VWA3A: variants seen among roughly 807,000 people sequenced by gnomAD.
The protein encoded by VWA3A is von Willebrand factor A domain containing 3A, also known as von Willebrand factor A domain-containing protein 3A.
A neutral mutation model predicts 160.4 loss-of-function variants in VWA3A; 134 were observed. That is an observed-to-expected ratio of 0.84 (90% CI 0.73 to 0.96). The LOEUF (loss-of-function observed/expected upper bound fraction) is 0.96. VWA3A is among the 40% of genes least tolerant of loss of function. The pLI is 0.00. For synonymous variants in VWA3A, 476 were observed against 543.4 expected (o/e 0.88, Z 1.72); for missense variants, 1,310 against 1,447.9 (o/e 0.90, Z 1.55).
chr16:22,149,856 A>G lies in VWA3A; in HGVS notation c.3054A>G (p.Ala1018=). ...ACACGCTGGTGGAGACCACAGATGC[A>G]GCGTGTCATGAGGCTATGCAATGGG... ...WQDTLVETTD[A]ACHEAMQWVT... The change falls in exon 29 of 34, where the codon GCA becomes GCG. Residue 1018 remains alanine, a synonymous_variant. Transcript: ENST00000389398. The G allele has an allele frequency of 1.9e-6, 3 of 1,612,744 alleles. No individual in the cohort carries two copies. Among genetic ancestry groups the G allele is most frequent in the Non-Finnish European group, 2.5e-6 (3 of 1,179,172 alleles).
chr16:22,094,013 A>G (rs1041336456), intron 1 of VWA3A, among the ~76,000 whole-genome samples: 4 of 151,908 alleles, frequency 2.6e-5, no homozygotes, highest in East Asian at 1.9e-4. Flanking sequence ...GGCTCAAGCA[A>G]TCTCCCTGCC....
rs1359074902 is a variant in VWA3A at position 22,109,555 on chromosome 16, A to G, written c.557A>G (p.Lys186Arg). The change falls in exon 7 of 34, where the codon AAA (lysine) becomes AGA (arginine). Residue 186 changes from lysine to arginine, a missense_variant. Physicochemically the swap from Lys to Arg is conservative, Grantham distance 26. Coordinates refer to ENST00000389398, the MANE Select transcript of VWA3A (RefSeq NM_173615.5). ...DVSAISSGPQ[K>R]EEFQKDLMSL... is the part of the protein sequence containing the mutation. ...TCAGCCATCAGCAGTGGCCCTCAGA[A>G]AGAAGAGTTCCAAAAGGACCTCATG... The G allele has an allele frequency of 1.2e-6, 2 of 1,613,674 alleles. No individual in the cohort carries two copies. The highest frequency in any genetic ancestry group is 2.7e-5 in the African/African-American group (2 of 74,946).
intron 16 of VWA3A, among the ~76,000 whole-genome samples, chr16:22,124,577 A>G (rs566832303): frequency 7.0e-6 from 1 of 143,850 alleles, no homozygotes; most frequent in South Asian, 2.2e-4. Flanking sequence ...TATTATTATT[A>G]GAGACAGAGT....
chr16:22,127,971 A>G (rs2045881189), intron 17 of VWA3A, among the ~76,000 whole-genome samples: 1 of 152,152 alleles, frequency 6.6e-6, no homozygotes, highest in African/African-American at 2.4e-5. Flanking sequence ...GTCTTGATGA[A>G]TAAGTAGATG....
Position 22,100,318 on chromosome 16 carries a change from T to G in VWA3A, c.350T>G (p.Leu117Arg), listed in dbSNP as rs1191895164. 8.4e-6 allele frequency: 13 copies of G among 1,551,642 alleles called. No homozygotes were observed. Among genetic ancestry groups the G allele is most frequent in the Non-Finnish European group, 1.1e-5 (13 of 1,146,988 alleles). ...ADLISQGTEV[L>R]EEGTNVVQKI... ...CTGATAAGCCAGGGCACAGAAGTGCTGTAAGTCTGAAGCTGTTCCCCGCAC... is the reference window on the plus strand; with the variant it reads ...CTGATAAGCCAGGGCACAGAAGTGCGGTAAGTCTGAAGCTGTTCCCCGCAC... Residue 117 changes from leucine to arginine, a missense_variant and splice_region_variant, in exon 4 of 34, where the codon CTG becomes CGG. Physicochemically the swap from Leu to Arg is moderately radical, Grantham distance 102 (BLOSUM62 -2). Transcript: ENST00000389398.
intron 5 of VWA3A, among the ~76,000 whole-genome samples, chr16:22,102,193 A>T (rs1160727632): frequency 6.6e-6 from 1 of 152,160 alleles, no homozygotes; most frequent in African/African-American, 2.4e-5. Flanking sequence ...TCTACAAAAA[A>T]TATAAAAATT....
At chr16:22,119,144 A>C in intron 12 of VWA3A, 117 bp downstream of exon 12, 1 of 1,267,088 alleles carries the variant, frequency 7.9e-7, no homozygotes, top group East Asian at 4.0e-5. Flanking sequence ...ACTTCCTAAA[A>C]TCGAAACAAG....
At chr16:22,118,481 T>C (rs1002818118) in intron 11 of VWA3A, among the ~76,000 whole-genome samples, 14 of 152,056 alleles carry the variant, frequency 9.2e-5, no homozygotes, top group South Asian at 2.1e-4. Flanking sequence ...GTCAGGAGAT[T>C]GAGACCATCC....
At chr16:22,144,160 A>G (rs2046204321) in intron 25 of VWA3A, 87 bp from the exon 26 acceptor site, 5 of 1,443,614 alleles carry the variant, frequency 3.5e-6, no homozygotes, top group Non-Finnish European at 4.6e-6. Flanking sequence ...TACAGGTTTC[A>G]AACATGAGGT....
Position 22,097,559 on chromosome 16 carries a change from TTA to T in VWA3A, c.102-11_102-10del, listed in dbSNP as rs1374424382. ...GTGCTGGGGCATTGATCAAATTACT[TTA>T]TGTTTTGTAGCATTAGGAGAAACAC... On this transcript the variant is annotated splice_polypyrimidine_tract_variant and intron_variant, in intron 2 of 33. Coordinates refer to ENST00000389398, the MANE Select transcript of VWA3A (RefSeq NM_173615.5). 2.6e-6 allele frequency: 4 copies of T among 1,550,960 alleles called. No homozygotes were observed. Among genetic ancestry groups the T allele is most frequent in the Admixed American group, 2.0e-5 (1 of 50,966 alleles).
At chr16:22,116,274 AAAG>A (rs145019368) in intron 9 of VWA3A, 20,347 of 417,412 alleles carry the variant, frequency 0.049, 1,390 homozygotes, top group African/African-American at 0.23. Context: ...AAGAAAAAGA[AAAG>A]AAGAAGGAAG....
chr16:22,103,499 A>T lies in VWA3A; in HGVS notation c.453A>T (p.Arg151Ser). Residue 151 changes from arginine to serine, a missense_variant, in exon 6 of 34, where the codon AGA (arginine) becomes AGT (serine). By Grantham distance (110) the Arg-to-Ser change is moderately radical (BLOSUM62 -1). Transcript: ENST00000389398. ...LSDTIEVYQE[R>S]IQWLTENSKK... ...GCACTATTGAAGTCTATCAAGAGAG[A>T]ATTCAGTGGCTCACAGAAAACAGCA... 6.4e-7 allele frequency: 1 copy of T among 1,551,890 alleles called. No individual in the cohort carries two copies. The highest frequency in any genetic ancestry group is 8.7e-7 in the Non-Finnish European group (1 of 1,147,014).
chr16:22,141,520 T>C (rs2046149031), intron 23 of VWA3A, 62 bp from the exon 24 acceptor site: 1 of 1,484,484 alleles, frequency 6.7e-7, no homozygotes, highest in South Asian at 1.2e-5. Flanking sequence ...TAAGCCAAGC[T>C]GGACAGCTGT....
chr16:22,154,072 G>C (rs2046394514), intron 31 of VWA3A, among the ~76,000 whole-genome samples: 1 of 152,036 alleles, frequency 6.6e-6, no homozygotes, highest in African/African-American at 2.4e-5. Context: ...AGCCTTACAT[G>C]ACTCCTTTGG....
At chr16:22,094,716 A>G (rs1050065032) in intron 1 of VWA3A, among the ~76,000 whole-genome samples, 1 of 152,196 alleles carries the variant, frequency 6.6e-6, no homozygotes, top group Non-Finnish European at 1.5e-5. Context: ...CTGTAATCCC[A>G]GCACTTTGGG....
rs775573819 is a variant in VWA3A, at chr16:22,121,619, T to C, written c.1356+2T>C. The stretch of plus-strand genomic sequence containing the variant: ...ACAGTATCATCGACCATCCATGAGG[T>C]AATTCAGATTCATAATTCTCTCCAG... On this transcript the variant is annotated splice_donor_variant, in intron 14 of 33. Coordinates refer to ENST00000389398, the MANE Select transcript of VWA3A (RefSeq NM_173615.5). LOFTEE classifies it high-confidence loss of function. 3.7e-6 allele frequency: 6 copies of C among 1,604,672 alleles called. No homozygotes were observed. In the East Asian group the frequency reaches 1.3e-4, roughly 36 times the overall value.
chr16:22,110,450 A>T (rs1428441046), intron 7 of VWA3A, among the ~76,000 whole-genome samples: 1 of 152,116 alleles, frequency 6.6e-6, no homozygotes, highest in Non-Finnish European at 1.5e-5. Flanking sequence ...CCCCTTCATG[A>T]CAAGTCCTCA....
At chr16:22,150,291 C>T (rs1490526244) in intron 29 of VWA3A, among the ~76,000 whole-genome samples, 1 of 152,144 alleles carries the variant, frequency 6.6e-6, no homozygotes, top group Non-Finnish European at 1.5e-5. Flanking sequence ...ATCCCAACTA[C>T]TTGGGAGGAT....
At chr16:22,125,406 G>GTGTTTTGTTT (rs112076824) in intron 16 of VWA3A, among the ~76,000 whole-genome samples, 39 of 149,102 alleles carry the variant, frequency 2.6e-4, no homozygotes, top group African/African-American at 8.0e-4. Flanking sequence ...TTTGTTGTGT[G>GTGTTTTGTTT]TGTTTTGTTT....
Sources: gnomAD v4.1 joint callset for allele counts (sites outside exome capture counted in the v4.1 genomes callset) on GRCh38, gnomAD v4.1.1 for gene constraint, MANE v1.5 for transcripts, NCBI Gene and HGNC (gene_info 2026-07-23, HGNC 2026-07-21) for gene names.